Variants in PCNX1 observed in about 807,000 individuals in gnomAD.
PCNX1 encodes the protein pecanex-like protein 1.
Under a neutral mutation model 242.2 loss-of-function variants are expected in PCNX1, and 78 were observed. The observed-to-expected ratio is 0.32, with a 90% confidence interval of 0.27 to 0.39. The LOEUF is 0.39. Ranked by LOEUF, PCNX1 falls within the 10% of genes least tolerant of loss-of-function variation. The pLI, the probability that PCNX1 is intolerant of heterozygous loss-of-function variation, is 1.00. For missense variants in PCNX1, 2,581 were observed against 2,856.5 expected, an observed-to-expected ratio of 0.90 and a Z score of 2.20; for synonymous variants, 1,024 against 1,032.9, an observed-to-expected ratio of 0.99 and a Z score of 0.17.
At position 70,977,514 on chromosome 14, in the gene PCNX1, A is replaced by G. The variant is rs1269527477; in HGVS notation, c.1177A>G (p.Thr393Ala). ...ESYCSGTDRD[T>A]NSTVSSYKSE... Reference sequence around the variant, plus strand: ...CTACTGCAGTGGAACGGACCGGGACACTAACAGTACTGTCAGCAGCTATAA... The same window carrying G: ...CTACTGCAGTGGAACGGACCGGGACGCTAACAGTACTGTCAGCAGCTATAA... Residue 393 changes from threonine to alanine, a missense_variant, in exon 6 of 36, where the codon ACT (threonine) becomes GCT (alanine). Physicochemically the swap from Thr to Ala is moderately conservative, Grantham distance 58. This residue lies in a region of PCNX1 where 1,204 missense variants were observed against 1,216.7 expected (regional missense o/e 0.99). Coordinates refer to ENST00000304743, the MANE Select transcript of PCNX1 (RefSeq NM_014982.3). 3 of 1,614,200 alleles carry G rather than the reference A, an allele frequency of 1.9e-6. No homozygotes were observed. Among genetic ancestry groups the G allele is most frequent in the Admixed American group, 3.3e-5 (2 of 60,016 alleles).
At chr14:70,976,227 G>A (rs1047742334) in intron 5 of PCNX1, among the ~76,000 whole-genome samples, 6 of 152,200 alleles carry the variant, frequency 3.9e-5, no homozygotes, top group African/African-American at 1.2e-4. Context: ...ACTCAGTGAA[G>A]TTGATGTCCC....
Position 71,057,571 on chromosome 14 carries a change from A to T in PCNX1, c.4699A>T (p.Ser1567Cys), listed in dbSNP as rs2061216527. 6.2e-7 allele frequency: 1 copy of T among 1,613,890 alleles called. No homozygotes were observed. Among genetic ancestry groups the T allele is most frequent in the African/African-American group, 1.3e-5 (1 of 75,040 alleles). Residue 1567 changes from serine (S) to cysteine (C), a missense_variant, in exon 26 of 36, where the codon AGC becomes TGC. This residue lies in a region of PCNX1 where 99 missense variants were observed against 147.3 expected (regional missense o/e 0.67). Transcript: ENST00000304743. The part of the protein sequence containing the change: ...YEHLTRSLQH[S>C]LCGDLLLGRW... ...GCATTTAACTAGATCCCTACAGCAC[A>T]GCCTCTGTGGTGATTTGCTACTAGG...
intron 26 of PCNX1, 106 bp downstream of exon 26, chr14:71,057,830 G>T: frequency 2.5e-6 from 2 of 798,060 alleles, no homozygotes; most frequent in South Asian, 1.7e-5. Flanking sequence ...AGATATTTGG[G>T]ATTGTGGAAT....
chr14:70,976,884 CAGT>C (rs1194574100), intron 5 of PCNX1, 55 bp from the exon 6 acceptor site: 6 of 1,418,222 alleles, frequency 4.2e-6, no homozygotes, highest in Non-Finnish European at 5.8e-6. Flanking sequence ...CATTGTTAAA[CAGT>C]AGAAAAGCAG....
chr14:70,941,205 C>T (rs2057226945), intron 1 of PCNX1, among the ~76,000 whole-genome samples: 1 of 152,208 alleles, frequency 6.6e-6, no homozygotes, highest in African/African-American at 2.4e-5. Flanking sequence ...AGAAGAGGCA[C>T]TCTGATTTTT....
intron 28 of PCNX1, among the ~76,000 whole-genome samples, chr14:71,086,408 C>T (rs947724933): frequency 1.3e-5 from 2 of 152,176 alleles, no homozygotes; most frequent in Admixed American, 1.3e-4. Context: ...GAATTTTACT[C>T]TGAAGGGTGC....
At chr14:70,973,476 A>G (rs2058600507) in intron 5 of PCNX1, among the ~76,000 whole-genome samples, 1 of 151,998 alleles carries the variant, frequency 6.6e-6, no homozygotes, top group Admixed American at 6.6e-5. Flanking sequence ...GGATTGAACA[A>G]TTTAGGGGGT....
intron 29 of PCNX1, 69 bp downstream of exon 29, chr14:71,088,499 T>C: frequency 1.1e-6 from 1 of 882,540 alleles, no homozygotes; most frequent in South Asian, 1.4e-5. Context: ...TAAAATGATT[T>C]TTCATGGACG....
intron 5 of PCNX1, among the ~76,000 whole-genome samples, chr14:70,972,155 G>A (rs1230467038): frequency 6.6e-6 from 1 of 152,030 alleles, no homozygotes; most frequent in Admixed American, 6.6e-5. Flanking sequence ...CTATGTGAGA[G>A]AAGTAGTGGT....
In PCNX1 at chr14:70,977,570, G is replaced by A. The variant is rs769292821; in HGVS notation, c.1233G>A (p.Glu411=). 11 of 1,614,226 alleles carry A rather than the reference G, an allele frequency of 6.8e-6. No homozygotes were observed. The highest frequency in any genetic ancestry group is 9.3e-6 in the Non-Finnish European group (11 of 1,180,040). ...KSEQTSSTHI[E]SILSEHEESP... ...AGCAGACCAGCTCAACTCACATAGAGAGCATCCTGTCAGAGCATGAGGAGT... is the reference window on the plus strand; with the variant it reads ...AGCAGACCAGCTCAACTCACATAGAAAGCATCCTGTCAGAGCATGAGGAGT... The change falls in exon 6 of 36, where the codon GAG becomes GAA. Residue 411 remains glutamate, a synonymous_variant. Coordinates refer to ENST00000304743, the MANE Select transcript of PCNX1 (RefSeq NM_014982.3).
At chr14:71,018,861 T>C (rs1859915) in intron 11 of PCNX1, 148 bp from the exon 12 acceptor site, 68,246 of 543,686 alleles carry the variant, frequency 0.13, 4,779 homozygotes, top group Middle Eastern at 0.24. Flanking sequence ...TTGTTTTCAG[T>C]ATGATCTAAA....
chr14:71,011,508 G>A lies in PCNX1; in HGVS notation c.2737G>A (p.Val913Ile). ...ASNICDTDSH[V>I]SSSTSVRFYP... ...TTATTTTAGTGACACAGATTCTCAT[G>A]TATCCAGTTCTACCTCAGTTCGATT... Residue 913 changes from valine (V) to isoleucine (I), a missense_variant, in exon 10 of 36, where the codon GTA (valine) becomes ATA (isoleucine). Around this residue, in one of 9 missense-constraint regions of PCNX1, gnomAD observed 1,204 missense variants for 1,216.7 expected, o/e 0.99. Transcript: ENST00000304743. 2 of 1,568,214 alleles carry A rather than the reference G, an allele frequency of 1.3e-6. No individual in the cohort carries two copies. The highest frequency in any genetic ancestry group is 1.4e-5 in the African/African-American group (1 of 73,912).
At chr14:71,005,519 G>C (rs140101777) in intron 8 of PCNX1, among the ~76,000 whole-genome samples, 1 of 150,782 alleles carries the variant, frequency 6.6e-6, no homozygotes, top group Non-Finnish European at 1.5e-5. Flanking sequence ...AAAAAAAAAA[G>C]GGGGGGTGGG....
At chr14:71,006,545 G>A (rs116883641) in intron 8 of PCNX1, among the ~76,000 whole-genome samples, 1 of 151,886 alleles carries the variant, frequency 6.6e-6, no homozygotes, top group Admixed American at 6.6e-5. Context: ...CTGTTTATTA[G>A]AAAAAATTAG....
chr14:71,061,231 G>A (rs778587083), intron 26 of PCNX1, among the ~76,000 whole-genome samples: 1 of 152,192 alleles, frequency 6.6e-6, no homozygotes, highest in Non-Finnish European at 1.5e-5. Context: ...ATCTGGCCCA[G>A]TGAGAACCCC....
At chr14:71,035,157 A>G (rs1186319260) in intron 18 of PCNX1, among the ~76,000 whole-genome samples, 2 of 152,112 alleles carry the variant, frequency 1.3e-5, no homozygotes, top group African/African-American at 2.4e-5. Context: ...GCTCTAGTGT[A>G]CAATGACTAT....
At chr14:71,047,436 A>G (rs1264813719) in intron 21 of PCNX1, among the ~76,000 whole-genome samples, 1 of 152,144 alleles carries the variant, frequency 6.6e-6, no homozygotes, top group Non-Finnish European at 1.5e-5. Context: ...TCATCCGATG[A>G]GCCTGCCCAA....
intron 12 of PCNX1, among the ~76,000 whole-genome samples, chr14:71,020,369 T>C (rs12884441): frequency 0.56 from 84,895 of 152,060 alleles, 25,096 homozygotes; most frequent in East Asian, 0.74. Flanking sequence ...CTGTCTTTCA[T>C]AATGGTTGAA....
At position 71,110,317 on chromosome 14, in the gene PCNX1, T is replaced by G. The variant is rs1020170916; in HGVS notation, c.*382T>G. On this transcript the variant is annotated 3_prime_UTR_variant, in exon 36 of 36. Transcript: ENST00000304743. ...TTCTTTGCCAAAAATAATTGCCATG[T>G]TTTGTCATAGAACATGAAATTCATT... The G allele has an allele frequency of 3.8e-5, 12 of 319,784 alleles. No homozygotes were observed. The highest frequency in any genetic ancestry group is 3.0e-5 in the Non-Finnish European group (5 of 164,596). The allele number at this position is 319,784 out of a possible 1,614,324, so 19.8% of individuals were successfully genotyped here.
Sources: gnomAD v4.1 joint callset for allele counts (sites outside exome capture counted in the v4.1 genomes callset) on GRCh38, gnomAD v4.1.1 for gene constraint, gnomAD v4.1.1 regional missense constraint, MANE v1.5 for transcripts, NCBI Gene and HGNC (gene_info 2026-07-23, HGNC 2026-07-21) for gene names.